The following CSGALNACT1 variants were observed in gnomAD, a reference collection of about 807,000 sequenced individuals.
CSGALNACT1 encodes chondroitin sulfate N-acetylgalactosaminyltransferase 1, also known as beta4GalNAcT-1.
In CSGALNACT1, 52 loss-of-function variants were observed where a neutral mutation model predicts 51.0. The observed-to-expected ratio is 1.02, with a 90% CI of 0.82 to 1.29. The LOEUF is 1.29. Among genes scored for constraint, CSGALNACT1 ranks in the 50% most tolerant of loss-of-function variants. The pLI, the probability that CSGALNACT1 is intolerant of heterozygous loss-of-function variation, is 0.00. For synonymous variants in CSGALNACT1, 341 were observed against 254.4 expected (o/e 1.34, Z -3.24); for missense variants, 935 against 679.2 (o/e 1.38, Z -4.19).
intron 3 of CSGALNACT1, among the ~76,000 whole-genome samples, chr8:19,546,005 GCCCAA>G (rs2086384641): frequency 6.6e-6 from 1 of 151,760 alleles, no homozygotes; most frequent in African/African-American, 2.4e-5. Flanking sequence ...TCCACAGATA[GCCCAA>G]GAAAATTTAG....
chr8:19,496,977 C>T (rs984543849), intron 4 of CSGALNACT1, among the ~76,000 whole-genome samples: 4 of 152,102 alleles, frequency 2.6e-5, no homozygotes, highest in Admixed American at 6.5e-5. Flanking sequence ...TCTTCCCGGA[C>T]CCTCCCCCTC....
At chr8:19,717,428 G>A (rs2062871278) in intron 1 of CSGALNACT1, among the ~76,000 whole-genome samples, 1 of 152,276 alleles carries the variant, frequency 6.6e-6, no homozygotes, top group Middle Eastern at 3.4e-3. Context: ...TACTTAGGAA[G>A]GTGGTAGACA....
intron 3 of CSGALNACT1, among the ~76,000 whole-genome samples, chr8:19,579,705 C>T (rs138760370): frequency 2.0e-5 from 3 of 152,276 alleles, no homozygotes; most frequent in African/African-American, 7.2e-5. Context: ...AGGATGAATG[C>T]TAATAGCATA....
intron 1 of CSGALNACT1, among the ~76,000 whole-genome samples, chr8:19,648,971 T>G (rs1168908832): frequency 6.6e-6 from 1 of 152,106 alleles, no homozygotes; most frequent in Non-Finnish European, 1.5e-5. Flanking sequence ...TGGGTAGGTG[T>G]AAAAAAGCAA....
intron 5 of CSGALNACT1, among the ~76,000 whole-genome samples, chr8:19,451,547 G>A (rs369720622): frequency 1.5e-4 from 23 of 152,254 alleles, no homozygotes; most frequent in Admixed American, 1.2e-3. Context: ...CCCAAGCACC[G>A]TTCTAGAGCA....
chr8:19,503,007 A>C (rs1004063729), intron 4 of CSGALNACT1, among the ~76,000 whole-genome samples: 3 of 152,162 alleles, frequency 2.0e-5, no homozygotes, highest in African/African-American at 7.2e-5. Flanking sequence ...TACTGCACTT[A>C]ATTCTATCAC....
intron 1 of CSGALNACT1, among the ~76,000 whole-genome samples, chr8:19,621,977 C>G (rs1005135594): frequency 3.7e-4 from 57 of 152,198 alleles, no homozygotes; most frequent in African/African-American, 1.3e-3. Flanking sequence ...TTTTCTTAAG[C>G]CTACACAACA....
chr8:19,508,562 G>C (rs1178502845), intron 3 of CSGALNACT1, among the ~76,000 whole-genome samples: 1 of 152,164 alleles, frequency 6.6e-6, no homozygotes. Flanking sequence ...GCACCTTGCT[G>C]TTTCTAATGA....
intron 1 of CSGALNACT1, among the ~76,000 whole-genome samples, chr8:19,621,541 G>T (rs1162208776): frequency 6.6e-6 from 1 of 152,124 alleles, no homozygotes; most frequent in African/African-American, 2.4e-5. Context: ...AGCACTTTGG[G>T]AGGCCAAGGC....
At chr8:19,589,644 T>G (rs1456529156) in intron 3 of CSGALNACT1, among the ~76,000 whole-genome samples, 1 of 152,212 alleles carries the variant, frequency 6.6e-6, no homozygotes, top group Non-Finnish European at 1.5e-5. Flanking sequence ...GAAAGTTTTT[T>G]CATACCCAAA....
chr8:19,666,831 GAGAAAGAAAGAAAGAAAGAA>G lies in CSGALNACT1; in HGVS notation c.-544+15622_-544+15641del, dbSNP rs34197786. Among the ~76,000 whole-genome samples the G allele has an allele frequency of 3.2e-4, 8 of 24,938 alleles. 1 individual carries two copies. Among genetic ancestry groups the G allele is most frequent in the African/African-American group, 1.2e-3 (6 of 4,934 alleles). The allele number at this position is 24,938 out of a possible 152,430, so 16.4% of individuals were successfully genotyped here. Reference sequence around the variant, plus strand: ...AGAAAGAGAGAGAGAGAGAGAGAGAGAGAAAGAAAGAAAGAAAGAAAGAAAGAAAGAAAGAAAGAAAGAAA... The same window carrying G: ...AGAAAGAGAGAGAGAGAGAGAGAGAGAGAAAGAAAGAAAGAAAGAAAGAAA... On this transcript the variant is annotated intron_variant, in intron 1 of 9. Transcript: ENST00000332246.
At chr8:19,566,554 T>TA (rs1230916616) in intron 3 of CSGALNACT1, among the ~76,000 whole-genome samples, 1 of 152,134 alleles carries the variant, frequency 6.6e-6, no homozygotes. Flanking sequence ...CCTGGTACAA[T>TA]AAATATTAGT....
At chr8:19,742,225 TA>T (rs79474593) in intron 1 of CSGALNACT1, among the ~76,000 whole-genome samples, 7,012 of 152,268 alleles carry the variant, frequency 0.046, 237 homozygotes, top group Admixed American at 0.072. Context: ...CTCAAAGTGG[TA>T]AAGTAACTTG....
intron 1 of CSGALNACT1, among the ~76,000 whole-genome samples, chr8:19,702,313 G>T (rs2061924572): frequency 6.6e-6 from 1 of 151,870 alleles, no homozygotes. Context: ...TTCCTTCTGA[G>T]ACCAGCCTGG....
chr8:19,683,526 C>T (rs548095739), upstream of CSGALNACT1, among the ~76,000 whole-genome samples: 420 of 152,204 alleles, frequency 2.8e-3, 2 homozygotes, highest in African/African-American at 9.8e-3. Flanking sequence ...TGGAAGAGGG[C>T]TATACAGTCC....
chr8:19,655,029 A>T (rs1368621741), intron 1 of CSGALNACT1, among the ~76,000 whole-genome samples: 1 of 152,210 alleles, frequency 6.6e-6, no homozygotes, highest in Non-Finnish European at 1.5e-5. Flanking sequence ...TATTTAAAAA[A>T]TGGGTATCAA....
intron 4 of CSGALNACT1, among the ~76,000 whole-genome samples, chr8:19,491,681 T>C (rs1270748855): frequency 6.6e-6 from 1 of 152,248 alleles, no homozygotes; most frequent in African/African-American, 2.4e-5. Flanking sequence ...TGGGTTTAAG[T>C]TTCAGCAAGA....
intron 3 of CSGALNACT1, among the ~76,000 whole-genome samples, chr8:19,545,486 T>C (rs540669247): frequency 3.9e-5 from 6 of 152,140 alleles, no homozygotes; most frequent in Non-Finnish European, 7.3e-5. Context: ...ACATGATCAT[T>C]GATTTCTGTC....
At chr8:19,672,470 G>A (rs1054916350) in intron 1 of CSGALNACT1, among the ~76,000 whole-genome samples, 10 of 152,110 alleles carry the variant, frequency 6.6e-5, no homozygotes, top group Admixed American at 2.0e-4. Flanking sequence ...ATTCAGCATC[G>A]CTTTAACAAG....
Sources: allele counts gnomAD v4.1 joint callset (sites outside exome capture counted in the v4.1 genomes callset), GRCh38; gene constraint gnomAD v4.1.1; transcripts MANE v1.5; gene names NCBI Gene and HGNC (gene_info 2026-07-23, HGNC 2026-07-21).